Variants in TLE3 observed in about 807,000 individuals in gnomAD.
TLE3 encodes transducin-like enhancer protein 3.
Under a neutral mutation model 93.0 loss-of-function variants are expected in TLE3, and 14 were observed. The observed-to-expected ratio is 0.15, with a 90% CI of 0.10 to 0.24. The LOEUF is 0.24. Among genes scored for constraint, TLE3 ranks in the 10% least tolerant of loss-of-function variants. The probability of loss-of-function intolerance (pLI) is 1.00; values close to 1 mark genes in which losing one functional copy is unlikely to be tolerated. For synonymous variants in TLE3, 451 were observed against 425.0 expected, an observed-to-expected ratio of 1.06 and a Z score of -0.75; for missense variants, 693 against 1,046.6, an observed-to-expected ratio of 0.66 and a Z score of 4.66.
intron 1 of TLE3, 132 bp downstream of exon 1, chr15:70,096,643 C>T: frequency 6.5e-7 from 1 of 1,550,006 alleles, no homozygotes; most frequent in Non-Finnish European, 8.7e-7. Context: ...CCGCATCCCC[C>T]TTTGTGTGAG....
intron 9 of TLE3, 80 bp downstream of exon 9, chr15:70,060,446 ACCCT>A: frequency 1.3e-6 from 2 of 1,567,976 alleles, no homozygotes; most frequent in Non-Finnish European, 1.7e-6. Flanking sequence ...CCACAAGAAG[ACCCT>A]GGCCACAGCT....
chr15:70,097,087 C>T lies in TLE3; in HGVS notation c.-289G>A, dbSNP rs965166449. On this transcript the variant is annotated 5_prime_UTR_variant, in exon 1 of 20. Transcript: ENST00000451782. ...TCGGCGGGCAGCGGCCGGCCGCCTT[C>T]CCTGGGCTGCGTCGAGCGCGTCAAT... 69 of 483,498 alleles carry T rather than the reference C, an allele frequency of 1.4e-4. 1 individual carries two copies. In the Admixed American group the frequency reaches 2.2e-3, roughly 16 times the overall value. The allele number at this position is 483,498 out of a possible 1,614,324, so 30.0% of individuals were successfully genotyped here.
At chr15:70,096,502 G>A (rs1567066727) in intron 1 of TLE3, 8 of 1,210,102 alleles carry the variant, frequency 6.6e-6, no homozygotes, top group East Asian at 5.1e-5. Context: ...GCGGGGGCGG[G>A]AGACAAGCCG....
In TLE3 at chr15:70,096,719, G is replaced by A. The variant is rs1567067360; in HGVS notation, c.24+56C>T. The A allele has an allele frequency of 4.4e-6, 7 of 1,603,924 alleles. No homozygotes were observed. In the South Asian group the frequency reaches 5.6e-5, roughly 13 times the overall value. The stretch of plus-strand genomic sequence containing the variant: ...GCAAAATGGAGGTGCCAGATAAACT[G>A]CCTCGTTTACCCTGCCATGATAGAT... On this transcript the variant is annotated intron_variant, in intron 1 of 19. Transcript: ENST00000451782.
Position 70,050,302 on chromosome 15 carries a change from C to G in TLE3, c.2203-98G>C. The stretch of plus-strand genomic sequence containing the variant: ...TCCAGTGCTCAACACCATCTCGGTT[C>G]TCTCGGCAACAATTGCCCTCCTCTG... On this transcript the variant is annotated intron_variant, in intron 19 of 19. Transcript: ENST00000451782. 5.4e-6 allele frequency: 5 copies of G among 930,064 alleles called. No homozygotes were observed. In the East Asian group the frequency reaches 1.2e-4, roughly 23 times the overall value. 57.6% of individuals were successfully genotyped at this position (930,064 alleles called of 1,614,324 possible).
At chr15:70,064,329 G>T in intron 8 of TLE3, 125 bp downstream of exon 8, 1 of 1,157,304 alleles carries the variant, frequency 8.6e-7, no homozygotes, top group East Asian at 2.5e-5. Context: ...GAGCAGAAGC[G>T]GGAACCCAGA....
At chr15:70,096,090 G>A in intron 2 of TLE3, 71 bp downstream of exon 2, 7 of 1,481,092 alleles carry the variant, frequency 4.7e-6, no homozygotes, top group Non-Finnish European at 6.3e-6. Flanking sequence ...CGTCCCCGCG[G>A]GGGATGGCAG....
At chr15:70,059,960 G>C (rs902021819) in intron 9 of TLE3, among the ~76,000 whole-genome samples, 3 of 152,222 alleles carry the variant, frequency 2.0e-5, no homozygotes, top group African/African-American at 7.2e-5. Context: ...TGTGGCTGAA[G>C]AGGGCTGGGT....
At chr15:70,073,270 G>T (rs1595936296) in intron 6 of TLE3, among the ~76,000 whole-genome samples, 1 of 152,144 alleles carries the variant, frequency 6.6e-6, no homozygotes, top group African/African-American at 2.4e-5. Context: ...CAGAAACTGA[G>T]GCCCAAGGAA....
intron 8 of TLE3, among the ~76,000 whole-genome samples, chr15:70,062,845 T>C (rs2141592873): frequency 6.6e-6 from 1 of 152,320 alleles, no homozygotes. Flanking sequence ...AGCATCTTGA[T>C]TCATTCCCAC....
chr15:70,054,536 A>G lies in TLE3; in HGVS notation c.1728T>C (p.Cys576=). The part of the protein sequence containing the change: ...KAELTSSAPA[C]YALAISPDAK... ...CGTCAGGGCTAATGGCCAGGGCATA[A>G]CAGGCGGGAGCCGAGGACGTCAGCT... The change falls in exon 16 of 20, where the codon TGT becomes TGC. Residue 576 remains cysteine (C), a synonymous_variant. Coordinates refer to ENST00000451782, the MANE Select transcript of TLE3 (RefSeq NM_001105192.3). 1 of 1,614,034 alleles carries G rather than the reference A, an allele frequency of 6.2e-7. No individual in the cohort carries two copies. Among genetic ancestry groups the G allele is most frequent in the East Asian group, 2.2e-5 (1 of 44,880 alleles).
chr15:70,088,046 C>A (rs765777216), intron 4 of TLE3, among the ~76,000 whole-genome samples: 1 of 152,146 alleles, frequency 6.6e-6, no homozygotes, highest in Admixed American at 6.5e-5. Flanking sequence ...GATTCCTTAG[C>A]GGTCATGGCC....
chr15:70,055,206 G>A lies in TLE3; in HGVS notation c.1421C>T (p.Ala474Val). 6.2e-7 allele frequency: 1 copy of A among 1,614,008 alleles called. No individual in the cohort carries two copies. The highest frequency in any genetic ancestry group is 8.5e-7 in the Non-Finnish European group (1 of 1,179,988). Reference sequence around the variant, plus strand: ...GTGGCTGAGTGTGTTGATCTGCCGGGCGTGCCTCGGGATGCCGGGGCCTGC... The same window carrying A: ...GTGGCTGAGTGTGTTGATCTGCCGGACGTGCCTCGGGATGCCGGGGCCTGC... ...ALAGPGIPRHARQINTLSHGE... is the reference protein window; with the variant it reads ...ALAGPGIPRHVRQINTLSHGE... Residue 474 changes from alanine (A) to valine (V), a missense_variant, in exon 15 of 20, where the codon GCC becomes GTC. By Grantham distance (64) the Ala-to-Val change is moderately conservative. Transcript: ENST00000451782.
chr15:70,059,279 G>T, intron 10 of TLE3, 131 bp downstream of exon 10: 1 of 1,087,858 alleles, frequency 9.2e-7, no homozygotes, highest in Non-Finnish European at 1.3e-6. Context: ...GAGACCCCAA[G>T]ACTGGAGGCC....
intron 4 of TLE3, among the ~76,000 whole-genome samples, chr15:70,083,164 T>C (rs1035950410): frequency 1.3e-5 from 2 of 152,136 alleles, no homozygotes; most frequent in African/African-American, 4.8e-5. Flanking sequence ...GCTGTGTGAG[T>C]GCCCTGCCCT....
chr15:70,089,081 T>C (rs185993886), intron 4 of TLE3, among the ~76,000 whole-genome samples: 24 of 152,366 alleles, frequency 1.6e-4, no homozygotes, highest in African/African-American at 3.6e-4. Context: ...CGAAGACGTG[T>C]GGCTTCTAGA....
chr15:70,069,204 G>T (rs1041359509), intron 6 of TLE3, among the ~76,000 whole-genome samples: 1 of 152,174 alleles, frequency 6.6e-6, no homozygotes, highest in Non-Finnish European at 1.5e-5. Flanking sequence ...GAAAATTTTG[G>T]AAAAGGTATA....
chr15:70,082,712 G>A (rs902789420), intron 4 of TLE3, among the ~76,000 whole-genome samples: 7 of 152,218 alleles, frequency 4.6e-5, no homozygotes, highest in Admixed American at 6.5e-5. Flanking sequence ...TGTCTCCTCC[G>A]GAAGGGAAGG....
intron 6 of TLE3, among the ~76,000 whole-genome samples, chr15:70,073,949 C>T (rs76282071): frequency 0.023 from 3,517 of 152,336 alleles, 144 homozygotes; most frequent in East Asian, 0.21. Flanking sequence ...AAAGGGGAGA[C>T]GGGACTTCTA....
Sources: gnomAD v4.1 joint callset for allele counts (sites outside exome capture counted in the v4.1 genomes callset) on GRCh38, gnomAD v4.1.1 for gene constraint, MANE v1.5 for transcripts, NCBI Gene and HGNC (gene_info 2026-07-23, HGNC 2026-07-21) for gene names.